STK39: variants seen among roughly 807,000 people sequenced by gnomAD.
The protein encoded by STK39 is serine/threonine kinase 39.
STK39 carries 20 observed loss-of-function variants against 77.8 expected under a neutral mutation model. That is an observed-to-expected ratio of 0.26 (90% CI 0.18 to 0.37). The LOEUF is 0.37. Among genes scored for constraint, STK39 ranks in the 10% least tolerant of loss-of-function variants. The pLI is 1.00. For missense variants in STK39, 479 were observed against 656.5 expected (o/e 0.73, Z 2.95); for synonymous variants, 246 against 234.1 (o/e 1.05, Z -0.47).
intron 16 of STK39, among the ~76,000 whole-genome samples, chr2:167,990,658 C>T (rs113376828): frequency 6.6e-5 from 10 of 152,256 alleles, no homozygotes; most frequent in South Asian, 2.1e-4. Context: ...TGCTAATAAA[C>T]GCCAGCAATT....
intron 2 of STK39, among the ~76,000 whole-genome samples, chr2:168,181,584 T>C (rs974776444): frequency 1.3e-5 from 2 of 152,142 alleles, no homozygotes; most frequent in African/African-American, 4.8e-5. Context: ...AACAAATAGT[T>C]TGGGGGACAA....
At chr2:167,979,006 C>G (rs546172180) in intron 16 of STK39, among the ~76,000 whole-genome samples, 1 of 151,938 alleles carries the variant, frequency 6.6e-6, no homozygotes. Flanking sequence ...GGAACATGAT[C>G]GATAATTCAT....
intron 14 of STK39, among the ~76,000 whole-genome samples, chr2:168,052,646 C>T (rs957552139): frequency 6.6e-6 from 1 of 152,198 alleles, no homozygotes; most frequent in Non-Finnish European, 1.5e-5. Flanking sequence ...GGATCTGTAA[C>T]ATGCTAGCCA....
intron 1 of STK39, among the ~76,000 whole-genome samples, chr2:168,214,952 A>AT (rs1689990256): frequency 1.3e-5 from 2 of 152,164 alleles, no homozygotes; most frequent in South Asian, 2.1e-4. Context: ...ACCCAGTAGT[A>AT]TATCTCTTGG....
intron 5 of STK39, among the ~76,000 whole-genome samples, chr2:168,144,960 A>G (rs2105542169): frequency 6.8e-6 from 1 of 146,780 alleles, no homozygotes; most frequent in East Asian, 2.0e-4. Flanking sequence ...CAGTCTAGGC[A>G]ACAGAGTGAG....
rs1684670300 is a variant in STK39, at chr2:168,025,397, A to G, written c.1377-8302T>C. Among the ~76,000 whole-genome samples, 2 of 152,156 alleles carry G rather than the reference A, an allele frequency of 1.3e-5. 1 individual carries two copies. Among genetic ancestry groups the G allele is most frequent in the South Asian group, 4.1e-4 (2 of 4,822 alleles). The stretch of plus-strand genomic sequence containing the variant: ...TGGCAGTAAATGATAGTGATGGCCC[A>G]CTATCAAGACCTGTAGGTTATACCT... On this transcript the variant is annotated intron_variant, in intron 14 of 17. Transcript: ENST00000355999.
chr2:168,024,482 G>T (rs1427318687), intron 14 of STK39, among the ~76,000 whole-genome samples: 1 of 152,120 alleles, frequency 6.6e-6, no homozygotes, highest in Admixed American at 6.6e-5. Flanking sequence ...CCTCACAAAT[G>T]GATTAATGCC....
chr2:168,088,033 A>G (rs1047774462), intron 10 of STK39, among the ~76,000 whole-genome samples: 1 of 150,554 alleles, frequency 6.6e-6, no homozygotes, highest in African/African-American at 2.4e-5. Flanking sequence ...TCTGTCAAGA[A>G]CTACGTCTGC....
At chr2:168,166,365 C>T (rs1324550270) in intron 3 of STK39, among the ~76,000 whole-genome samples, 2 of 152,186 alleles carry the variant, frequency 1.3e-5, no homozygotes, top group Non-Finnish European at 2.9e-5. Flanking sequence ...AAATAAAATA[C>T]AGGATGTGAA....
chr2:168,105,353 A>G (rs1268449839), intron 10 of STK39, among the ~76,000 whole-genome samples: 4 of 152,234 alleles, frequency 2.6e-5, no homozygotes, highest in Admixed American at 1.3e-4. Flanking sequence ...TCAATGATCA[A>G]CAAACTCAGA....
At chr2:168,242,978 T>G (rs1407173094) in intron 1 of STK39, among the ~76,000 whole-genome samples, 2 of 148,826 alleles carry the variant, frequency 1.3e-5, no homozygotes, top group African/African-American at 4.9e-5. Context: ...GAAATGAAAA[T>G]CAAAGCCCTG....
At chr2:168,076,003 G>A (rs1009627956) in intron 10 of STK39, among the ~76,000 whole-genome samples, 1 of 151,272 alleles carries the variant, frequency 6.6e-6, no homozygotes, top group Non-Finnish European at 1.5e-5. Context: ...GGTTGGAAAA[G>A]CAAAACTTTT....
intron 1 of STK39, among the ~76,000 whole-genome samples, chr2:168,191,883 C>A (rs1321242800): frequency 1.3e-5 from 2 of 152,098 alleles, no homozygotes; most frequent in East Asian, 3.9e-4. Context: ...AAGCAGCTAC[C>A]ACTCCTTGGG....
At chr2:168,066,578 T>A (rs1685800776) in intron 12 of STK39, among the ~76,000 whole-genome samples, 1 of 152,258 alleles carries the variant, frequency 6.6e-6, no homozygotes, top group Non-Finnish European at 1.5e-5. Context: ...TCAGTACTTA[T>A]AAACATTATT....
intron 2 of STK39, among the ~76,000 whole-genome samples, chr2:168,170,401 G>C (rs568902898): frequency 2.6e-5 from 4 of 152,146 alleles, no homozygotes; most frequent in Non-Finnish European, 5.9e-5. Flanking sequence ...TGATTCTTTC[G>C]ACAGAATGAA....
chr2:168,050,099 C>G (rs558849983), intron 14 of STK39, among the ~76,000 whole-genome samples: 2 of 152,278 alleles, frequency 1.3e-5, no homozygotes, highest in African/African-American at 4.8e-5. Flanking sequence ...ATAAGCTTCA[C>G]ACACATCTGT....
chr2:168,091,071 T>G (rs1686508730), intron 10 of STK39, among the ~76,000 whole-genome samples: 1 of 151,994 alleles, frequency 6.6e-6, no homozygotes, highest in Non-Finnish European at 1.5e-5. Flanking sequence ...CATTTTCCCC[T>G]TGTAATCAAC....
At chr2:168,068,346 T>C (rs1178751310) in intron 12 of STK39, among the ~76,000 whole-genome samples, 4 of 152,160 alleles carry the variant, frequency 2.6e-5, no homozygotes, top group Non-Finnish European at 4.4e-5. Context: ...CTTTCCAATT[T>C]TTCGTAGAGC....
chr2:168,159,940 A>G (rs3820861), intron 5 of STK39, among the ~76,000 whole-genome samples: 1 of 152,062 alleles, frequency 6.6e-6, no homozygotes, highest in Non-Finnish European at 1.5e-5. Context: ...CAGCCCGCAC[A>G]GTGCAGGCAC....
Sources: allele counts gnomAD v4.1 joint callset (sites outside exome capture counted in the v4.1 genomes callset), GRCh38; gene constraint gnomAD v4.1.1; transcripts MANE v1.5; gene names NCBI Gene and HGNC (gene_info 2026-07-23, HGNC 2026-07-21).